The following TCOF1 variants were observed in gnomAD, a reference collection of about 807,000 sequenced individuals.
TCOF1 encodes the protein treacle ribosome biogenesis factor 1.
In TCOF1, 33 loss-of-function variants were observed where a neutral mutation model predicts 149.0. The ratio of observed to expected loss-of-function variants is 0.22; its 90% confidence interval spans 0.17 to 0.30. The LOEUF (loss-of-function observed/expected upper bound fraction) is 0.30. TCOF1 is among the 10% of genes least tolerant of loss of function. TCOF1 has a pLI of 1.00. For synonymous variants in TCOF1, 789 were observed against 738.8 expected, an observed-to-expected ratio of 1.07 and a Z score of -1.10; for missense variants, 1,728 against 1,840.7, an observed-to-expected ratio of 0.94 and a Z score of 1.12.
chr5:150,394,506 G>A (rs1581215288), intron 23 of TCOF1: 1 of 152,266 alleles, frequency 6.6e-6, no homozygotes, highest in East Asian at 1.9e-4. Context: ...CCTAACCTGG[G>A]GCATCCACAC....
rs963322730 is a variant in TCOF1 at position 150,361,137 on chromosome 5, T to C, written c.109-19T>C. The C allele has an allele frequency of 1.2e-6, 2 of 1,614,148 alleles. No individual in the cohort carries two copies. Among genetic ancestry groups the C allele is most frequent in the Admixed American group, 3.3e-5 (2 of 60,022 alleles). ...CTGTGCTGGGGATTAATTGTGGCTT[T>C]CTCTTTACCTCTCTGCAGAAGTGTT... On this transcript the variant is annotated intron_variant, in intron 1 of 26. Transcript: ENST00000643257.
chr5:150,358,558 C>T (rs1007061636), intron 1 of TCOF1, among the ~76,000 whole-genome samples: 5 of 152,112 alleles, frequency 3.3e-5, no homozygotes, highest in East Asian at 1.9e-4. Context: ...AGGGATGGGC[C>T]GGGCACGGTA....
chr5:150,390,575 C>T (rs1767206761), intron 19 of TCOF1, among the ~76,000 whole-genome samples: 1 of 150,924 alleles, frequency 6.6e-6, no homozygotes, highest in South Asian at 2.1e-4. Flanking sequence ...GTTCATTGCT[C>T]TTTGGGCCAT....
intron 19 of TCOF1, among the ~76,000 whole-genome samples, chr5:150,391,187 G>A (rs565833601): frequency 1.3e-5 from 2 of 152,292 alleles, no homozygotes; most frequent in Admixed American, 1.3e-4. Flanking sequence ...CGCCACATTT[G>A]AAGGCTCTCA....
chr5:150,397,957 C>G (rs956005101), intron 24 of TCOF1, among the ~76,000 whole-genome samples: 4 of 152,144 alleles, frequency 2.6e-5, no homozygotes, highest in Non-Finnish European at 5.9e-5. Context: ...GGGTCTTGCT[C>G]TGTCACCCAG....
chr5:150,365,568 T>C (rs1761157126), intron 3 of TCOF1, among the ~76,000 whole-genome samples: 1 of 152,196 alleles, frequency 6.6e-6, no homozygotes, highest in Non-Finnish European at 1.5e-5. Context: ...CATTCAAACA[T>C]GTATTCTTAC....
At chr5:150,377,520 C>T (rs938418292) in intron 14 of TCOF1, among the ~76,000 whole-genome samples, 1 of 152,200 alleles carries the variant, frequency 6.6e-6, no homozygotes, top group Non-Finnish European at 1.5e-5. Context: ...TTTTAATTGT[C>T]GCTCTGTTTT....
intron 17 of TCOF1, chr5:150,382,961 T>A: frequency 1.0e-6 from 1 of 974,786 alleles, no homozygotes; most frequent in South Asian, 1.7e-5. Flanking sequence ...CTGCCTCCCC[T>A]GGAAACCAGA....
At chr5:150,393,328 T>TG in intron 22 of TCOF1, 44 bp from the exon 23 acceptor site, 1 of 1,612,372 alleles carries the variant, frequency 6.2e-7, no homozygotes, top group Non-Finnish European at 8.5e-7. Flanking sequence ...GTTATGGCAG[T>TG]GGGGTGGGGT....
chr5:150,361,064 T>TATACAAGTCATGAGTTTGGGGAG, intron 1 of TCOF1, 92 bp from the exon 2 acceptor site: 1 of 1,548,924 alleles, frequency 6.5e-7, no homozygotes, highest in Non-Finnish European at 8.9e-7. Flanking sequence ...ACCACCTGTC[T>TATACAAGTCATGAGTTTGGGGAG]ATACAAGTCA....
intron 26 of TCOF1, 137 bp downstream of exon 26, chr5:150,399,207 A>G (rs1014942895): frequency 1.1e-5 from 13 of 1,227,078 alleles, no homozygotes; most frequent in Non-Finnish European, 1.5e-5. Context: ...TCTGTTGCCA[A>G]GGGTCCATGG....
chr5:150,383,077 A>C, intron 17 of TCOF1: 1 of 1,535,920 alleles, frequency 6.5e-7, no homozygotes, highest in South Asian at 1.2e-5. Flanking sequence ...CAGTAACTCC[A>C]AACCTGCCAG....
rs1767830619 is a variant in TCOF1, at chr5:150,393,433, C to T, written c.3665C>T (p.Ala1222Val). 1.2e-6 allele frequency: 2 copies of T among 1,614,046 alleles called. No individual in the cohort carries two copies. The highest frequency in any genetic ancestry group is 1.3e-5 in the African/African-American group (1 of 74,908). ...LTPANSQASKATPKLDSSPSV... is the reference protein window; with the variant it reads ...LTPANSQASKVTPKLDSSPSV... ...CCAGCCAATTCCCAGGCCTCAAAAG[C>T]CACTCCCAAGCTAGACTCCAGCCCC... The change falls in exon 23 of 27, where the codon GCC (alanine) becomes GTC (valine). Residue 1222 changes from alanine to valine, a missense_variant. Physicochemically the swap from Ala to Val is moderately conservative, Grantham distance 64 (BLOSUM62 0). Transcript: ENST00000643257.
chr5:150,362,051 G>A (rs573328609), intron 2 of TCOF1, among the ~76,000 whole-genome samples: 11 of 152,310 alleles, frequency 7.2e-5, no homozygotes, highest in Admixed American at 3.3e-4. Flanking sequence ...GGAGAACAGG[G>A]TAGAAAGTGG....
At chr5:150,357,950 C>G in intron 1 of TCOF1, 96 bp downstream of exon 1, 1 of 1,355,204 alleles carries the variant, frequency 7.4e-7, no homozygotes, top group Non-Finnish European at 1.0e-6. Flanking sequence ...CCGGCAGGCG[C>G]CCGGAGCCGG....
rs755774408 is a variant in TCOF1, at chr5:150,391,549, AAAG to A, written c.3195_3197del (p.Lys1065del). 5.6e-6 allele frequency: 9 copies of A among 1,613,966 alleles called. No individual in the cohort carries two copies. The Admixed American group carries it at 1.5e-4, about 27-fold the overall frequency. On this transcript the variant is annotated inframe_deletion, in exon 20 of 27. Coordinates refer to ENST00000643257, the MANE Select transcript of TCOF1 (RefSeq NM_001371623.1). ...CTACCTCTTGCCACCCACAGGTGTCAAAGAAGAACCCAGCTTCCCTCCCACTGA... is the reference window on the plus strand; with the variant it reads ...CTACCTCTTGCCACCCACAGGTGTCAAAGAACCCAGCTTCCCTCCCACTGA...
At position 150,398,377 on chromosome 5, in the gene TCOF1, GAAA is replaced by G. The variant is rs765883642; in HGVS notation, c.4371_4373del (p.Lys1461del). Reference sequence around the variant, plus strand: ...AGGAAAAAAAGACAAAGAAAAAAAAGAAAAGAAGAAGAAAGCAAAAAAGGCCTC... The same window carrying G: ...AGGAAAAAAAGACAAAGAAAAAAAAGAGAAGAAGAAAGCAAAAAAGGCCTC... On this transcript the variant is annotated inframe_deletion, in exon 25 of 27. Coordinates refer to ENST00000643257, the MANE Select transcript of TCOF1 (RefSeq NM_001371623.1). The G allele has an allele frequency of 6.2e-6, 10 of 1,613,418 alleles. No individual in the cohort carries two copies. The African/African-American group carries it at 6.7e-5, about 11-fold the overall frequency.
At chr5:150,373,726 C>T (rs983840403) in intron 7 of TCOF1, among the ~76,000 whole-genome samples, 1 of 152,230 alleles carries the variant, frequency 6.6e-6, no homozygotes, top group Non-Finnish European at 1.5e-5. Context: ...ACTGCCTCTT[C>T]ATTCCTTCCC....
intron 14 of TCOF1, among the ~76,000 whole-genome samples, chr5:150,377,694 G>A (rs1246010203): frequency 2.6e-5 from 4 of 152,058 alleles, no homozygotes; most frequent in Non-Finnish European, 5.9e-5. Flanking sequence ...TTCCAGAGCC[G>A]CCTCTACTCT....
Sources: allele counts gnomAD v4.1 joint callset (sites outside exome capture counted in the v4.1 genomes callset), GRCh38; gene constraint gnomAD v4.1.1; transcripts MANE v1.5; gene names NCBI Gene and HGNC (gene_info 2026-07-23, HGNC 2026-07-21).